Variants in THRAP3 observed in about 807,000 individuals in gnomAD.
The protein encoded by THRAP3 is thyroid hormone receptor associated protein 3, also known as thyroid hormone receptor-associated protein 3.
In THRAP3, 16 loss-of-function variants were observed where a neutral mutation model predicts 101.0. That is an observed-to-expected ratio of 0.16 (90% CI 0.11 to 0.24). THRAP3 has a LOEUF of 0.24. Ranked by LOEUF, THRAP3 falls within the 10% of genes least tolerant of loss-of-function variation. The probability of loss-of-function intolerance (pLI) is 1.00; values close to 1 mark genes in which losing one functional copy is unlikely to be tolerated. For synonymous variants in THRAP3, 407 were observed against 422.6 expected, an observed-to-expected ratio of 0.96 and a Z score of 0.45; for missense variants, 989 against 1,202.7, an observed-to-expected ratio of 0.82 and a Z score of 2.63.
At chr1:36,249,952 T>C (rs989769366) in intron 1 of THRAP3, among the ~76,000 whole-genome samples, 23 of 152,276 alleles carry the variant, frequency 1.5e-4, no homozygotes, top group Admixed American at 8.5e-4. Flanking sequence ...AGGAATGACA[T>C]GATCATATTT....
the THRAP3 span, among the ~76,000 whole-genome samples, chr1:36,209,593 C>T: frequency 1.3e-5 from 2 of 152,142 alleles, no homozygotes; most frequent in South Asian, 4.1e-4. Flanking sequence ...CCTGTTTCAA[C>T]AAAGCAGGTC....
chr1:36,289,747 T>G lies in THRAP3; in HGVS notation c.1728T>G (p.Phe576Leu). 6.2e-7 allele frequency: 1 copy of G among 1,609,704 alleles called. No homozygotes were observed. Among genetic ancestry groups the G allele is most frequent in the Admixed American group, 1.7e-5 (1 of 59,052 alleles). The part of the protein sequence containing the change: ...EAQVNVRMDS[F>L]DEDLARPSGL... ...AGGTCAATGTCCGGATGGACTCTTT[T>G]GATGAGGACCTCGCACGGTGAGATA... Residue 576 changes from phenylalanine (F) to leucine (L), a missense_variant, in exon 5 of 12, where the codon TTT (phenylalanine) becomes TTG (leucine). Transcript: ENST00000354618.
At chr1:36,259,140 T>C (rs1237456482) in intron 1 of THRAP3, among the ~76,000 whole-genome samples, 4 of 152,194 alleles carry the variant, frequency 2.6e-5, no homozygotes, top group East Asian at 1.9e-4. Flanking sequence ...ACCTGAAATA[T>C]TGCCAGTGAA....
intron 2 of THRAP3, among the ~76,000 whole-genome samples, chr1:36,263,246 C>G (rs964166984): frequency 3.9e-5 from 6 of 151,950 alleles, no homozygotes; most frequent in Admixed American, 1.3e-4. Flanking sequence ...ACTATAGGCA[C>G]AAGCCACCAT....
rs1417768505 is a variant in THRAP3 at position 36,287,119 on chromosome 1, A to G, written c.889A>G (p.Thr297Ala). 1 of 1,614,120 alleles carries G rather than the reference A, an allele frequency of 6.2e-7. No individual in the cohort carries two copies. The highest frequency in any genetic ancestry group is 2.2e-5 in the East Asian group (1 of 44,872). ...LPSGAGYQSG[T>A]HQGQFDHGSG... is the part of the protein sequence containing the mutation. The stretch of plus-strand genomic sequence containing the variant: ...GAGTGGTGCCGGGTATCAGTCTGGG[A>G]CACACCAAGGTCAGTTCGACCATGG... The change falls in exon 4 of 12, where the codon ACA becomes GCA. Residue 297 changes from threonine to alanine, a missense_variant. Transcript: ENST00000354618.
chr1:36,286,584 C>T lies in THRAP3; in HGVS notation c.354C>T (p.Tyr118=). Residue 118 remains tyrosine (Y), a synonymous_variant, in exon 4 of 12, where the codon TAC becomes TAT. Transcript: ENST00000354618. The surrounding 1 kb of genome is among the most constrained non-coding windows in gnomAD (Gnocchi z 5.5). ...RSNWQNYRQA[Y]SPRRGRSRSR... ...ATTGGCAGAATTACCGGCAAGCATA[C>T]AGTCCTCGTCGAGGCCGTTCAAGAT... 1 of 1,614,150 alleles carries T rather than the reference C, an allele frequency of 6.2e-7. No individual in the cohort carries two copies.
At chr1:36,250,313 A>C (rs575696515) in intron 1 of THRAP3, among the ~76,000 whole-genome samples, 1 of 151,308 alleles carries the variant, frequency 6.6e-6, no homozygotes, top group East Asian at 2.0e-4. Flanking sequence ...TCCCGGGTTC[A>C]AGCAATTCTT....
In THRAP3 at chr1:36,301,100, C is replaced by T; in HGVS notation, c.2502+16C>T. The T allele has an allele frequency of 1.9e-6, 3 of 1,610,922 alleles. No individual in the cohort carries two copies. The highest frequency in any genetic ancestry group is 2.5e-6 in the Non-Finnish European group (3 of 1,178,162). ...AGGAACCTTTGTAAGACCTTCCCCT[C>T]TCCCCCTTTCTCTGAGACCCTTGCT... On this transcript the variant is annotated intron_variant, in intron 10 of 11. Coordinates refer to ENST00000354618, the MANE Select transcript of THRAP3 (RefSeq NM_005119.4).
intron 1 of THRAP3, among the ~76,000 whole-genome samples, chr1:36,241,333 G>GA (rs1384766336): frequency 1.4e-5 from 2 of 146,596 alleles, no homozygotes; most frequent in East Asian, 3.9e-4. Context: ...GCCCTAATGA[G>GA]AAAAAAAATT....
At chr1:36,267,133 C>T (rs1387530857) in intron 2 of THRAP3, among the ~76,000 whole-genome samples, 1 of 152,144 alleles carries the variant, frequency 6.6e-6, no homozygotes, top group East Asian at 1.9e-4. Flanking sequence ...ATCCACCCGC[C>T]TCGGCCTCCC....
At chr1:36,270,577 G>GTTTTTTTTTTTTTTTT (rs869142351) in intron 2 of THRAP3, among the ~76,000 whole-genome samples, 1 of 34,634 alleles carries the variant, frequency 2.9e-5, no homozygotes, top group Admixed American at 5.1e-4. Context: ...TTAGGTTTTT[G>GTTTTTTTTTTTTTTTT]TTTTTTTTTT....
intron 4 of THRAP3, chr1:36,287,993 C>G (rs1453255307): frequency 4.2e-6 from 4 of 957,948 alleles, no homozygotes; most frequent in Non-Finnish European, 5.0e-6. Context: ...AAGTGGCTCC[C>G]CCTTTTTTTT....
At chr1:36,249,265 C>A (rs1401601303) in intron 1 of THRAP3, among the ~76,000 whole-genome samples, 1 of 149,032 alleles carries the variant, frequency 6.7e-6, no homozygotes, top group Non-Finnish European at 1.5e-5. Flanking sequence ...AAGCTCCGCT[C>A]ACTGCAAGCT....
At chr1:36,253,444 G>A (rs1371362519) in intron 1 of THRAP3, among the ~76,000 whole-genome samples, 1 of 152,116 alleles carries the variant, frequency 6.6e-6, no homozygotes, top group Non-Finnish European at 1.5e-5. Flanking sequence ...AGATTTGTGT[G>A]GGTATGGAGA....
chr1:36,238,966 C>G lies in THRAP3; in HGVS notation c.-135+14461C>G, dbSNP rs1324163932. Among the ~76,000 whole-genome samples the G allele has an allele frequency of 2.6e-5, 4 of 151,680 alleles. No homozygotes were observed. The East Asian group carries it at 5.8e-4, about 22-fold the overall frequency. On this transcript the variant is annotated intron_variant, in intron 1 of 11. Transcript: ENST00000354618. ...TATTATTTTTTGAGATGGAGTCTTG[C>G]TCTGTCGCCTAGGCTGGAGTGCAGT...
chr1:36,280,316 ATAAAG>A (rs919165982), intron 2 of THRAP3, among the ~76,000 whole-genome samples: 1 of 152,242 alleles, frequency 6.6e-6, no homozygotes, highest in African/African-American at 2.4e-5. Flanking sequence ...ACAGCACTAA[ATAAAG>A]AAAGATGAGG....
chr1:36,236,485 C>T (rs185587019), intron 1 of THRAP3, among the ~76,000 whole-genome samples: 68 of 151,862 alleles, frequency 4.5e-4, no homozygotes, highest in African/African-American at 1.6e-3. Context: ...TTCCTCCTTC[C>T]TTCTCCCCAC....
intron 2 of THRAP3, among the ~76,000 whole-genome samples, chr1:36,279,315 C>T (rs1027922667): frequency 6.6e-6 from 1 of 152,126 alleles, no homozygotes; most frequent in Admixed American, 6.6e-5. Flanking sequence ...GTTAGACAGT[C>T]TGTTACTAGG....
Position 36,303,770 on chromosome 1 carries a change from C to G in THRAP3, c.2647-26C>G, listed in dbSNP as rs772603051. Reference sequence around the variant, plus strand: ...TGGCCACATCTTGTTCACTCTGGCACTGATGGCAATTTTCTTTCCCCTCAG... The same window carrying G: ...TGGCCACATCTTGTTCACTCTGGCAGTGATGGCAATTTTCTTTCCCCTCAG... On this transcript the variant is annotated intron_variant, in intron 11 of 11. Coordinates refer to ENST00000354618, the MANE Select transcript of THRAP3 (RefSeq NM_005119.4). The G allele has an allele frequency of 2.5e-5, 40 of 1,613,680 alleles. No individual in the cohort carries two copies. Among genetic ancestry groups the G allele is most frequent in the Non-Finnish European group, 3.2e-5 (38 of 1,179,904 alleles).
Sources: gnomAD v4.1 joint callset for allele counts (sites outside exome capture counted in the v4.1 genomes callset) on GRCh38, gnomAD v4.1.1 for gene constraint, Gnocchi (gnomAD v3.1) non-coding constraint, MANE v1.5 for transcripts, NCBI Gene and HGNC (gene_info 2026-07-23, HGNC 2026-07-21) for gene names.